Variants in PCSK2 observed in about 807,000 individuals in gnomAD.
PCSK2 encodes the protein proprotein convertase subtilisin/kexin type 2, also known as neuroendocrine convertase 2.
In PCSK2, 14 loss-of-function variants were observed where a neutral mutation model predicts 69.7. That is an observed-to-expected ratio of 0.20 (90% confidence interval 0.13 to 0.31). The LOEUF (loss-of-function observed/expected upper bound fraction) is 0.31, where lower values mean the gene tolerates loss of function less well. Ranked by LOEUF, PCSK2 falls within the 10% of genes least tolerant of loss-of-function variation. The pLI, the probability that PCSK2 is intolerant of heterozygous loss-of-function variation, is 1.00. For synonymous variants in PCSK2, 307 were observed against 320.7 expected, an observed-to-expected ratio of 0.96 and a Z score of 0.46; for missense variants, 544 against 842.5, an observed-to-expected ratio of 0.65 and a Z score of 4.39.
At chr20:17,295,213 A>AACACACACACAC (rs58508384) in intron 2 of PCSK2, among the ~76,000 whole-genome samples, 5 of 146,280 alleles carry the variant, frequency 3.4e-5, no homozygotes, top group African/African-American at 1.3e-4. Context: ...ATACGCAGTT[A>AACACACACACAC]ACACACACAC....
At chr20:17,301,335 G>A (rs1202724382) in intron 2 of PCSK2, among the ~76,000 whole-genome samples, 3 of 152,172 alleles carry the variant, frequency 2.0e-5, no homozygotes, top group Non-Finnish European at 4.4e-5. Flanking sequence ...GGAGGAGGAG[G>A]AGGGCTCTGA....
At chr20:17,258,790 G>T (rs546008795) in intron 1 of PCSK2, among the ~76,000 whole-genome samples, 2 of 151,804 alleles carry the variant, frequency 1.3e-5, no homozygotes, top group South Asian at 4.2e-4. Context: ...GTGTGTGTGT[G>T]TGTGTGTTTA....
chr20:17,350,555 C>T (rs1225569148), intron 2 of PCSK2, among the ~76,000 whole-genome samples: 3 of 152,018 alleles, frequency 2.0e-5, no homozygotes, highest in Non-Finnish European at 4.4e-5. Flanking sequence ...GAGTTATATG[C>T]ACAGTTAAGT....
intron 1 of PCSK2, among the ~76,000 whole-genome samples, chr20:17,241,244 C>T (rs1251374220): frequency 6.6e-6 from 1 of 152,146 alleles, no homozygotes; most frequent in African/African-American, 2.4e-5. Context: ...AAGAAAACCA[C>T]AGGATGTGCA....
intron 2 of PCSK2, among the ~76,000 whole-genome samples, chr20:17,312,464 G>A (rs1168441333): frequency 6.6e-6 from 1 of 151,992 alleles, no homozygotes; most frequent in Middle Eastern, 3.2e-3. Flanking sequence ...AAGTCAGTAG[G>A]CCAAATATTA....
chr20:17,276,384 T>A (rs1037934334), intron 2 of PCSK2, among the ~76,000 whole-genome samples: 1 of 151,932 alleles, frequency 6.6e-6, no homozygotes, highest in Non-Finnish European at 1.5e-5. Context: ...TGGATTTGCT[T>A]CATTTCAGAT....
chr20:17,365,891 C>G (rs2030573679), intron 4 of PCSK2, among the ~76,000 whole-genome samples: 1 of 152,204 alleles, frequency 6.6e-6, no homozygotes. Context: ...ACCGCTCCCC[C>G]ATGGCTTCAC....
chr20:17,360,532 A>T lies in PCSK2; in HGVS notation c.397A>T (p.Ile133Phe), dbSNP rs1408906910. The change falls in exon 4 of 12, where the codon ATC becomes TTC. Residue 133 changes from isoleucine (I) to phenylalanine (F), a missense_variant and splice_region_variant. Ile to Phe is a conservative substitution (Grantham distance 21). Coordinates refer to ENST00000262545, the MANE Select transcript of PCSK2 (RefSeq NM_002594.5). ...CTCTGCTTTGAAATTCCTGTACCAG[A>T]TCAATACTGGGCAAGCTGATGGCAC... The part of the protein sequence containing the change: ...DPLFTKQWYL[I>F]NTGQADGTPG... The T allele has an allele frequency of 1.3e-6, 2 of 1,598,326 alleles. No individual in the cohort carries two copies. The highest frequency in any genetic ancestry group is 4.5e-5 in the East Asian group (2 of 44,704).
At chr20:17,476,877 A>G (rs562100891) in intron 11 of PCSK2, among the ~76,000 whole-genome samples, 1 of 152,342 alleles carries the variant, frequency 6.6e-6, no homozygotes, top group East Asian at 1.9e-4. Flanking sequence ...AGTTGGCTTA[A>G]TGCCTGCTTT....
At chr20:17,250,936 C>T (rs1208476539) in intron 1 of PCSK2, among the ~76,000 whole-genome samples, 8 of 151,996 alleles carry the variant, frequency 5.3e-5, no homozygotes, top group Admixed American at 5.2e-4. Flanking sequence ...CTGATCTCTA[C>T]TAAAAATACA....
intron 5 of PCSK2, among the ~76,000 whole-genome samples, chr20:17,381,567 A>G (rs965110756): frequency 6.6e-6 from 1 of 152,180 alleles, no homozygotes; most frequent in Admixed American, 6.5e-5. Context: ...TATGGCCCTC[A>G]GTTTCCCCAT....
chr20:17,457,429 C>T (rs982380372), intron 10 of PCSK2, among the ~76,000 whole-genome samples: 14 of 152,182 alleles, frequency 9.2e-5, no homozygotes, highest in Admixed American at 2.6e-4. Context: ...CAACAGATTA[C>T]CTAGTTCAAC....
intron 6 of PCSK2, among the ~76,000 whole-genome samples, chr20:17,422,209 C>T (rs2032147377): frequency 6.6e-6 from 1 of 152,116 alleles, no homozygotes; most frequent in Non-Finnish European, 1.5e-5. Flanking sequence ...AAGATAACAG[C>T]CTGTTTATCA....
chr20:17,329,633 A>G (rs1039063341), intron 2 of PCSK2, among the ~76,000 whole-genome samples: 3 of 152,376 alleles, frequency 2.0e-5, no homozygotes, highest in South Asian at 2.1e-4. Flanking sequence ...ACACGTGCAT[A>G]TCTTTAACAA....
chr20:17,414,106 CA>C (rs2031941851), intron 6 of PCSK2, among the ~76,000 whole-genome samples: 1 of 152,120 alleles, frequency 6.6e-6, no homozygotes. Flanking sequence ...GACACCCTAA[CA>C]TCACAATTAA....
chr20:17,309,187 G>C (rs1050764015), intron 2 of PCSK2, among the ~76,000 whole-genome samples: 1 of 152,162 alleles, frequency 6.6e-6, no homozygotes, highest in Non-Finnish European at 1.5e-5. Context: ...GAAGAGAAGT[G>C]AGTCAATGAA....
intron 1 of PCSK2, among the ~76,000 whole-genome samples, chr20:17,236,637 C>A (rs539447508): frequency 6.6e-6 from 1 of 152,176 alleles, no homozygotes; most frequent in South Asian, 2.1e-4. Context: ...TCTTAAAATT[C>A]TAATGTTACC....
At chr20:17,314,367 G>A (rs868701286) in intron 2 of PCSK2, among the ~76,000 whole-genome samples, 1 of 152,198 alleles carries the variant, frequency 6.6e-6, no homozygotes, top group South Asian at 2.1e-4. Flanking sequence ...AAGTGGGAAT[G>A]AATCAAGCCG....
At chr20:17,300,146 C>G (rs1269094798) in intron 2 of PCSK2, among the ~76,000 whole-genome samples, 3 of 152,198 alleles carry the variant, frequency 2.0e-5, no homozygotes, top group Non-Finnish European at 4.4e-5. Flanking sequence ...AAGGGATGGT[C>G]ACAACATCCA....
Sources: gnomAD v4.1 joint callset for allele counts (sites outside exome capture counted in the v4.1 genomes callset) on GRCh38, gnomAD v4.1.1 for gene constraint, MANE v1.5 for transcripts, NCBI Gene and HGNC (gene_info 2026-07-23, HGNC 2026-07-21) for gene names.